NR3C1: variants seen among roughly 807,000 people sequenced by gnomAD.
The protein encoded by NR3C1 is glucocorticoid receptor.
NR3C1 carries 14 observed loss-of-function variants against 74.0 expected under a neutral mutation model. That is an observed-to-expected ratio of 0.19 (90% confidence interval 0.12 to 0.30). The LOEUF (loss-of-function observed/expected upper bound fraction) is 0.30. Ranked by LOEUF, NR3C1 falls within the 10% of genes least tolerant of loss-of-function variation. NR3C1 has a pLI of 1.00. For synonymous variants in NR3C1, 308 were observed against 332.5 expected (o/e 0.93, Z 0.80); for missense variants, 695 against 909.8 (o/e 0.76, Z 3.04).
In NR3C1 at chr5:143,419,875, C is replaced by T. The variant is rs148704597; in HGVS notation, c.-14+14657G>A. Among the ~76,000 whole-genome samples, 1,311 of 152,164 alleles carry T rather than the reference C, an allele frequency of 8.6e-3. 12 individuals are homozygous for T. The highest frequency in any genetic ancestry group is 0.03 in the African/African-American group (1,225 of 41,488). ...TTCCTCTTCCTAATAAGCCTGGGAG[C>T]GCTATGGGAGACTGGGGTTTATTTC... On this transcript the variant is annotated intron_variant, in intron 1 of 8. Coordinates refer to the NR3C1 transcript ENST00000343796.
At chr5:143,421,852 T>A (rs1037590098) in intron 1 of NR3C1, among the ~76,000 whole-genome samples, 1 of 152,152 alleles carries the variant, frequency 6.6e-6, no homozygotes, top group Admixed American at 6.5e-5. Flanking sequence ...GTTGTTTCTC[T>A]TACTTTTTAT....
intron 2 of NR3C1, among the ~76,000 whole-genome samples, chr5:143,368,311 T>C (rs1487189585): frequency 6.6e-6 from 1 of 152,124 alleles, no homozygotes; most frequent in African/African-American, 2.4e-5. Flanking sequence ...TGAAAATCAG[T>C]TTGACCTTAG....
chr5:143,401,271 C>T (rs944263035), intron 1 of NR3C1: 2 of 231,362 alleles, frequency 8.6e-6, no homozygotes, highest in Admixed American at 1.0e-4. Context: ...TTTTCAATCA[C>T]GGCTGTTTGC....
In NR3C1 at chr5:143,354,922, C is replaced by CAA. The variant is rs60607518; in HGVS notation, c.1185-40756_1185-40755dup. Among the ~76,000 whole-genome samples, 76 of 48,902 alleles carry CAA rather than the reference C, an allele frequency of 1.6e-3. No homozygotes were observed. In the East Asian group the frequency reaches 0.035, roughly 23 times the overall value. The allele number at this position is 48,902 out of a possible 152,430, so 32.1% of individuals were successfully genotyped here. ...TGGGTGACAGAGCAAAAGTCCGTCT[C>CAA]AAAAAAAAAAAAAAAAAGAAAAAAT... On this transcript the variant is annotated intron_variant, in intron 2 of 8. Transcript: ENST00000394464.
At chr5:143,413,957 A>G (rs1841395105) in intron 1 of NR3C1, among the ~76,000 whole-genome samples, 1 of 152,234 alleles carries the variant, frequency 6.6e-6, no homozygotes, top group African/African-American at 2.4e-5. Context: ...CTTTTTATCA[A>G]AATATTAACA....
At chr5:143,367,452 G>A (rs1388628273) in intron 2 of NR3C1, among the ~76,000 whole-genome samples, 1 of 152,052 alleles carries the variant, frequency 6.6e-6, no homozygotes, top group Non-Finnish European at 1.5e-5. Flanking sequence ...AGATTGAAAG[G>A]GAAGAAGTAA....
intron 5 of NR3C1, among the ~76,000 whole-genome samples, 191 bp from the exon 6 acceptor site, chr5:143,299,003 G>T (rs1029861335): frequency 9.2e-4 from 106 of 115,508 alleles, no homozygotes; most frequent in African/African-American, 3.1e-3. Context: ...AAACCCTCTT[G>T]TGTTTTTTTT....
At chr5:143,315,607 T>C (rs910162617) in intron 2 of NR3C1, among the ~76,000 whole-genome samples, 1 of 152,202 alleles carries the variant, frequency 6.6e-6, no homozygotes, top group African/African-American at 2.4e-5. Context: ...CTCTTGCTTT[T>C]ATTTATTTCA....
chr5:143,290,762 G>A lies in NR3C1; in HGVS notation c.2023+4698C>T, dbSNP rs146898604. ...ATAGTTTTAGTAGAGTCGGGGTTTCGCCATGTTGGTCAGGCTGGTCTCGAA... is the reference window on the plus strand; with the variant it reads ...ATAGTTTTAGTAGAGTCGGGGTTTCACCATGTTGGTCAGGCTGGTCTCGAA... On this transcript the variant is annotated intron_variant, in intron 7 of 8. Coordinates refer to ENST00000394464, the MANE Select transcript of NR3C1 (RefSeq NM_000176.3). Among the ~76,000 whole-genome samples, 161 of 151,686 alleles carry A rather than the reference G, an allele frequency of 1.1e-3. 3 individuals are homozygous for A. In the East Asian group the frequency reaches 0.022, roughly 21 times the overall value.
rs755962014 is a variant in NR3C1, at chr5:143,314,188, GTGTTATGATTTAAC to G, written c.1185-34_1185-21del. 4 of 1,612,328 alleles carry G rather than the reference GTGTTATGATTTAAC, an allele frequency of 2.5e-6. No individual in the cohort carries two copies. In the East Asian group the frequency reaches 6.7e-5, roughly 27 times the overall value. ...CTGGGGCTAAAGAAGGGGAAGAACA[GTGTTATGATTTAAC>G]TGTCAAAGGAATATCAAAATACAGT... On this transcript the variant is annotated intron_variant, in intron 2 of 8. Transcript: ENST00000394464.
intron 1 of NR3C1, among the ~76,000 whole-genome samples, chr5:143,433,466 A>AATTTATTTATT (rs1461822676): frequency 7.5e-5 from 10 of 133,778 alleles, no homozygotes; most frequent in South Asian, 2.3e-4. Flanking sequence ...ATATATATAT[A>AATTTATTTATT]TATATTTAAT....
At chr5:143,302,873 T>G (rs1194706267) in intron 4 of NR3C1, among the ~76,000 whole-genome samples, 2 of 152,100 alleles carry the variant, frequency 1.3e-5, no homozygotes, top group Admixed American at 1.3e-4. Context: ...CATTGGAGCA[T>G]ATAGTTGATT....
chr5:143,379,620 G>C (rs1275191163), intron 2 of NR3C1, among the ~76,000 whole-genome samples: 2 of 152,162 alleles, frequency 1.3e-5, no homozygotes, highest in African/African-American at 2.4e-5. Context: ...CTTGAATCTA[G>C]ACTAGCCCCG....
At chr5:143,365,531 G>A (rs1833037916) in intron 2 of NR3C1, among the ~76,000 whole-genome samples, 1 of 152,078 alleles carries the variant, frequency 6.6e-6, no homozygotes, top group African/African-American at 2.4e-5. Flanking sequence ...AAAGCAAAAA[G>A]TGACAGAACT....
At chr5:143,347,504 T>C (rs1349045342) in intron 2 of NR3C1, among the ~76,000 whole-genome samples, 1 of 152,224 alleles carries the variant, frequency 6.6e-6, no homozygotes, top group Non-Finnish European at 1.5e-5. Flanking sequence ...TTAAAGTACA[T>C]GTTATTTCTA....
intron 7 of NR3C1, among the ~76,000 whole-genome samples, chr5:143,291,601 T>C (rs537899031): frequency 5.3e-5 from 8 of 152,320 alleles, no homozygotes; most frequent in African/African-American, 1.9e-4. Flanking sequence ...AAAAAATAGC[T>C]GATTGGTGTA....
rs564810236 is a variant in NR3C1, at chr5:143,373,423, T to C, written c.1184+26233A>G. 8.7e-5 allele frequency among the ~76,000 whole-genome samples: 13 copies of C among 150,038 alleles called. No homozygotes were observed. The South Asian group carries it at 1.1e-3, about 12-fold the overall frequency. On this transcript the variant is annotated intron_variant, in intron 2 of 8. Coordinates refer to ENST00000394464, the MANE Select transcript of NR3C1 (RefSeq NM_000176.3). ...ACATGGATGAATCTTACAAACAATG[T>C]TGAGTTAAAAAAACAAGTTATAAAG... is the stretch of plus-strand genomic sequence containing the variant.
chr5:143,405,994 C>T (rs1841085957), upstream of NR3C1, among the ~76,000 whole-genome samples: 2 of 152,124 alleles, frequency 1.3e-5, no homozygotes, highest in Admixed American at 1.3e-4. Flanking sequence ...AGACCCAACC[C>T]TACAATAATG....
Position 143,433,391 on chromosome 5 carries a change from A to AATAT in NR3C1, c.-14+1137_-14+1140dup, listed in dbSNP as rs34775154. On this transcript the variant is annotated intron_variant, in intron 1 of 8. Transcript: ENST00000343796. ...CTAGTAGCTGATGGAAACAGCACTAAATATATATATATATAATTTATTTAT... is the reference window on the plus strand; with the variant it reads ...CTAGTAGCTGATGGAAACAGCACTAAATATATATATATATATATAATTTATTTAT... 4.6e-3 allele frequency among the ~76,000 whole-genome samples: 535 copies of AATAT among 117,388 alleles called. 4 individuals are homozygous for AATAT. The highest frequency in any genetic ancestry group is 7.3e-3 in the Non-Finnish European group (409 of 56,356). 77.0% of individuals were successfully genotyped at this position (117,388 alleles called of 152,430 possible).
Sources: allele counts gnomAD v4.1 joint callset (sites outside exome capture counted in the v4.1 genomes callset), GRCh38; gene constraint gnomAD v4.1.1; transcripts MANE v1.5; gene names NCBI Gene and HGNC (gene_info 2026-07-23, HGNC 2026-07-21).